The following NKAIN1 variants were observed in gnomAD, a reference collection of about 807,000 sequenced individuals.
NKAIN1 encodes sodium/potassium-transporting ATPase subunit beta-1-interacting protein 1.
NKAIN1 carries 13 observed loss-of-function variants against 31.6 expected under a neutral mutation model. That is an observed-to-expected ratio of 0.41 (90% confidence interval 0.27 to 0.65). The LOEUF (loss-of-function observed/expected upper bound fraction) is 0.65, where lower values mean the gene tolerates loss of function less well. Among genes scored for constraint, NKAIN1 ranks in the 30% least tolerant of loss-of-function variants. The probability of loss-of-function intolerance (pLI) is 0.30; values close to 1 mark genes in which losing one functional copy is unlikely to be tolerated. For missense variants in NKAIN1, 193 were observed against 262.2 expected, an observed-to-expected ratio of 0.74 and a Z score of 1.82; for synonymous variants, 104 against 109.0, an observed-to-expected ratio of 0.95 and a Z score of 0.28.
chr1:31,191,622 CTAAT>C (rs566170421), intron 1 of NKAIN1, among the ~76,000 whole-genome samples: 35 of 152,164 alleles, frequency 2.3e-4, no homozygotes, highest in African/African-American at 8.0e-4. Context: ...TACATAGTGG[CTAAT>C]TAATAGAAGG....
chr1:31,184,521 A>G (rs893557242), intron 3 of NKAIN1, among the ~76,000 whole-genome samples: 22 of 152,074 alleles, frequency 1.4e-4, no homozygotes, highest in Admixed American at 5.9e-4. Context: ...CAGATGTGTG[A>G]CCTTATTTTA....
chr1:31,186,152 C>T (rs973753601), intron 2 of NKAIN1, among the ~76,000 whole-genome samples: 18 of 151,682 alleles, frequency 1.2e-4, no homozygotes, highest in African/African-American at 4.1e-4. Flanking sequence ...CACCTGAGGT[C>T]GGGAGTTTGA....
chr1:31,223,344 C>G (rs1645578026), intron 1 of NKAIN1, among the ~76,000 whole-genome samples: 1 of 146,212 alleles, frequency 6.8e-6, no homozygotes, highest in African/African-American at 2.6e-5. Flanking sequence ...CCACTGCACT[C>G]CAGCCTGGGA....
chr1:31,191,421 T>A (rs1436293359), intron 1 of NKAIN1, among the ~76,000 whole-genome samples: 9 of 109,474 alleles, frequency 8.2e-5, no homozygotes, highest in East Asian at 2.6e-4. Flanking sequence ...TTTTTTTTTT[T>A]AAAGCAGTAG....
At position 31,183,985 on chromosome 1, in the gene NKAIN1, T is replaced by G; in HGVS notation, c.303A>C (p.Thr101=). 1 of 1,613,540 alleles carries G rather than the reference T, an allele frequency of 6.2e-7. No individual in the cohort carries two copies. The highest frequency in any genetic ancestry group is 8.5e-7 in the Non-Finnish European group (1 of 1,179,802). ...QDRDFIMTFN[T]SLHRSWWMEN... is the part of the protein sequence containing the mutation. ...CCATCCACCAGGAGCGGTGCAGGGA[T>G]GTGTTGAAGGTCATGATGAAGTCCC... Residue 101 remains threonine, a synonymous_variant, in exon 4 of 7, where the codon ACA becomes ACC. Coordinates refer to ENST00000373736, the MANE Select transcript of NKAIN1 (RefSeq NM_024522.3).
chr1:31,185,091 G>C, intron 3 of NKAIN1, 156 bp downstream of exon 3: 1 of 637,122 alleles, frequency 1.6e-6, no homozygotes, highest in Non-Finnish European at 2.8e-6. Context: ...AATAAATTGT[G>C]TAAGTAGGAA....
chr1:31,181,290 G>A lies in NKAIN1; in HGVS notation c.*413C>T, dbSNP rs1645195298. On this transcript the variant is annotated 3_prime_UTR_variant, in exon 7 of 7. Transcript: ENST00000373736. ...TCCTAGTTCACAGTAGCTTTCCCCA[G>A]AGCTGGTGAGTGAGTGTGGTGGGAT... 1 of 186,934 alleles carries A rather than the reference G, an allele frequency of 5.3e-6. No individual in the cohort carries two copies. The highest frequency in any genetic ancestry group is 1.1e-5 in the Non-Finnish European group (1 of 91,334). The allele number at this position is 186,934 out of a possible 1,614,324, so 11.6% of individuals were successfully genotyped here. A position where few individuals can be genotyped will look rare whatever the true frequency, so the allele number is the denominator to read the frequency against.
At chr1:31,224,422 T>A (rs973705715) in intron 1 of NKAIN1, among the ~76,000 whole-genome samples, 1 of 152,134 alleles carries the variant, frequency 6.6e-6, no homozygotes, top group Non-Finnish European at 1.5e-5. Flanking sequence ...GCTCCTTGAT[T>A]TACGACGGGG....
intron 4 of NKAIN1, among the ~76,000 whole-genome samples, chr1:31,183,348 T>C (rs775310310): frequency 6.7e-6 from 1 of 148,684 alleles, no homozygotes; most frequent in Non-Finnish European, 1.5e-5. Flanking sequence ...GCACAGGGGC[T>C]GGGGCAGCGG....
chr1:31,237,155 G>A (rs1224429836), intron 1 of NKAIN1, among the ~76,000 whole-genome samples: 2 of 152,196 alleles, frequency 1.3e-5, no homozygotes, highest in Non-Finnish European at 2.9e-5. Context: ...GGAGGCTGAG[G>A]TGGGAGGATT....
chr1:31,198,796 G>GC (rs1474296976), intron 1 of NKAIN1, among the ~76,000 whole-genome samples: 1 of 142,518 alleles, frequency 7.0e-6, no homozygotes, highest in Non-Finnish European at 1.5e-5. Context: ...GGAACCTTCA[G>GC]CCCCGAGTCA....
At position 31,239,116 on chromosome 1, in the gene NKAIN1, A is replaced by G. The variant is rs921924660; in HGVS notation, c.54+378T>C. The stretch of plus-strand genomic sequence containing the variant: ...AGACCCATGCAAACGAGGGATCTAG[A>G]GGGAAACACACAGCAGGACCTCAAC... On this transcript the variant is annotated intron_variant, in intron 1 of 6. Coordinates refer to ENST00000373736, the MANE Select transcript of NKAIN1 (RefSeq NM_024522.3). The surrounding 1 kb of genome is among the most constrained non-coding windows in gnomAD (Gnocchi z 4.8). 2.6e-5 allele frequency among the ~76,000 whole-genome samples: 4 copies of G among 152,062 alleles called. No individual in the cohort carries two copies. Among genetic ancestry groups the G allele is most frequent in the African/African-American group, 9.7e-5 (4 of 41,408 alleles).
At chr1:31,229,075 A>G (rs777510744) in intron 1 of NKAIN1, among the ~76,000 whole-genome samples, 1 of 152,202 alleles carries the variant, frequency 6.6e-6, no homozygotes, top group Non-Finnish European at 1.5e-5. Flanking sequence ...TCAAAGTTGC[A>G]CAGCAGTGAG....
intron 1 of NKAIN1, among the ~76,000 whole-genome samples, chr1:31,202,465 CAGG>C (rs1424473669): frequency 6.6e-6 from 1 of 151,730 alleles, no homozygotes; most frequent in Non-Finnish European, 1.5e-5. Context: ...ATCACGAGGT[CAGG>C]AGATCGAGAC....
chr1:31,192,391 C>T (rs552915038), intron 1 of NKAIN1, among the ~76,000 whole-genome samples: 14 of 152,194 alleles, frequency 9.2e-5, no homozygotes, highest in African/African-American at 3.4e-4. Flanking sequence ...GTGCTAGCTC[C>T]GGGATGCAGA....
At chr1:31,225,043 T>TG (rs1172475178) in intron 1 of NKAIN1, among the ~76,000 whole-genome samples, 1 of 147,416 alleles carries the variant, frequency 6.8e-6, no homozygotes, top group Non-Finnish European at 1.5e-5. Flanking sequence ...CTTTTTTTTT[T>TG]TTTGAGACGG....
At chr1:31,205,378 G>A (rs1048477025) in intron 1 of NKAIN1, among the ~76,000 whole-genome samples, 4 of 151,938 alleles carry the variant, frequency 2.6e-5, no homozygotes, top group South Asian at 4.1e-4. Context: ...TCACAATCTC[G>A]GCTTACCACA....
chr1:31,218,065 TTTC>T (rs1557659976), intron 1 of NKAIN1, among the ~76,000 whole-genome samples: 4 of 144,432 alleles, frequency 2.8e-5, no homozygotes, highest in African/African-American at 7.8e-5. Context: ...TCTTTCTTTC[TTTC>T]TTTTTTTTTT....
At chr1:31,212,009 A>G (rs550659797) in intron 1 of NKAIN1, among the ~76,000 whole-genome samples, 2 of 152,300 alleles carry the variant, frequency 1.3e-5, no homozygotes, top group South Asian at 4.1e-4. Context: ...ATAATCTTGA[A>G]AAAGAACAAA....
Sources: gnomAD v4.1 joint callset for allele counts (sites outside exome capture counted in the v4.1 genomes callset) on GRCh38, gnomAD v4.1.1 for gene constraint, Gnocchi (gnomAD v3.1) non-coding constraint, MANE v1.5 for transcripts, NCBI Gene and HGNC (gene_info 2026-07-23, HGNC 2026-07-21) for gene names.